Variants in TGM5 observed in about 807,000 individuals in gnomAD.
TGM5 encodes the protein transglutaminase 5.
Under a neutral mutation model 77.2 loss-of-function variants are expected in TGM5, and 69 were observed. The ratio of observed to expected loss-of-function variants is 0.89; its 90% CI spans 0.74 to 1.09. The LOEUF is 1.09. TGM5 is among the 50% of genes least tolerant of loss of function. TGM5 has a pLI of 0.00. For synonymous variants in TGM5, 346 were observed against 351.8 expected, an observed-to-expected ratio of 0.98 and a Z score of 0.18; for missense variants, 842 against 896.5, an observed-to-expected ratio of 0.94 and a Z score of 0.78.
chr15:43,233,401 C>T, intron 12 of TGM5, 57 bp from the exon 13 acceptor site: 1 of 1,611,250 alleles, frequency 6.2e-7, no homozygotes, highest in Non-Finnish European at 8.5e-7. Flanking sequence ...GACCCTGGAG[C>T]CCTTTTCCAC....
Position 43,260,287 on chromosome 15 carries a change from T to TGGCA in TGM5, c.197_200dup (p.Asp68AlafsTer88). 1 of 1,614,090 alleles carries TGGCA rather than the reference T, an allele frequency of 6.2e-7. No homozygotes were observed. Among genetic ancestry groups the TGGCA allele is most frequent in the Non-Finnish European group, 8.5e-7 (1 of 1,180,014 alleles). On this transcript the variant is annotated frameshift_variant, in exon 3 of 13. Transcript: ENST00000220420. LOFTEE classifies it high-confidence loss of function. The stretch of plus-strand genomic sequence containing the variant: ...CAGCCCGAGTCCCCAAGGCCAGGTC[T>TGGCA]GGCAGCGGTCCTAGGAGGGAAGTAG...
chr15:43,241,969 G>A (rs1436877869), intron 6 of TGM5, among the ~76,000 whole-genome samples: 1 of 152,134 alleles, frequency 6.6e-6, no homozygotes, highest in Non-Finnish European at 1.5e-5. Context: ...AGGAAAATCT[G>A]ACCATGAAAT....
rs965203285 is a variant in TGM5 at position 43,232,769 on chromosome 15, A to G, written c.*422T>C. On this transcript the variant is annotated 3_prime_UTR_variant, in exon 13 of 13. Coordinates refer to ENST00000220420, the MANE Select transcript of TGM5 (RefSeq NM_201631.4). ...CCTCTGTGCCAAATCACGCTTCTGGATAGGAGACTGGAATCCTGGAATCTC... is the reference window on the plus strand; with the variant it reads ...CCTCTGTGCCAAATCACGCTTCTGGGTAGGAGACTGGAATCCTGGAATCTC... The G allele has an allele frequency of 1.4e-5, 3 of 221,060 alleles. No individual in the cohort carries two copies. The highest frequency in any genetic ancestry group is 2.3e-5 in the African/African-American group (1 of 43,208). 13.7% of individuals were successfully genotyped at this position (221,060 alleles called of 1,614,324 possible). A position where few individuals can be genotyped will look rare whatever the true frequency, so the allele number is the denominator to read the frequency against.
rs774027553 is a variant in TGM5, at chr15:43,252,787, GC to G, written c.833del (p.Cys278SerfsTer11). The G allele has an allele frequency of 6.2e-7, 1 of 1,614,096 alleles. No homozygotes were observed. Among genetic ancestry groups the G allele is most frequent in the Non-Finnish European group, 8.5e-7 (1 of 1,180,038 alleles). ...TGCACATGACGGCAGCAAAGACCCA[GC>G]ATTGCCCGTAGCGCACGGGCTGGCA... ...TGCQPVRYGQ[C>X]WVFAAVMCTV... On this transcript the variant is annotated frameshift_variant, in exon 6 of 13. Transcript: ENST00000220420. LOFTEE classifies it high-confidence loss of function.
At chr15:43,234,389 A>C (rs2042571433) in intron 11 of TGM5, among the ~76,000 whole-genome samples, 1 of 152,218 alleles carries the variant, frequency 6.6e-6, no homozygotes, top group Non-Finnish European at 1.5e-5. Context: ...GCCCTGTCCA[A>C]GGATACACAG....
Position 43,260,462 on chromosome 15 carries a change from A to G in TGM5, c.128T>C (p.Leu43Pro). ...VRRGQAFNLT[L>P]YFRNRSFQPG... ...CTGGAAGCTCCGGTTCCTGAAGTAC[A>G]GGGTGAGGTTGAAGGCCTGGCCCCG... is the stretch of plus-strand genomic sequence containing the variant. Residue 43 changes from leucine to proline, a missense_variant, in exon 2 of 13, where the codon CTG becomes CCG. Leu to Pro is a moderately conservative substitution (Grantham distance 98, BLOSUM62 -3). This residue lies in a region of TGM5 where 815 missense variants were observed against 844.6 expected (regional missense o/e 0.96). Transcript: ENST00000220420. 6.2e-7 allele frequency: 1 copy of G among 1,614,184 alleles called. No homozygotes were observed. Among genetic ancestry groups the G allele is most frequent in the Non-Finnish European group, 8.5e-7 (1 of 1,180,036 alleles).
chr15:43,234,318 G>T (rs2042570756), intron 11 of TGM5, among the ~76,000 whole-genome samples: 1 of 152,094 alleles, frequency 6.6e-6, no homozygotes, highest in Non-Finnish European at 1.5e-5. Flanking sequence ...GAGCAGGCGG[G>T]GTCCTCAGAG....
At chr15:43,266,401 A>G (rs1002187458) in intron 1 of TGM5, among the ~76,000 whole-genome samples, 1 of 152,210 alleles carries the variant, frequency 6.6e-6, no homozygotes, top group African/African-American at 2.4e-5. Context: ...TGGAGGAAGA[A>G]GAGAAGATAT....
intron 9 of TGM5, among the ~76,000 whole-genome samples, chr15:43,236,832 G>C (rs567876661): frequency 6.6e-6 from 1 of 152,174 alleles, no homozygotes; most frequent in African/African-American, 2.4e-5. Flanking sequence ...AGCCAGGCAT[G>C]GTGGCAGGCA....
At chr15:43,238,613 G>A (rs924674045) in intron 9 of TGM5, among the ~76,000 whole-genome samples, 1 of 152,224 alleles carries the variant, frequency 6.6e-6, no homozygotes, top group East Asian at 1.9e-4. Context: ...GCCTTGTGGC[G>A]GGAGCTCGCT....
intron 10 of TGM5, 136 bp from the exon 11 acceptor site, chr15:43,235,065 T>C: frequency 8.8e-7 from 1 of 1,132,058 alleles, no homozygotes; most frequent in East Asian, 2.5e-5. Context: ...GGCAGCTTTT[T>C]AGATGAGGAA....
Position 43,233,583 on chromosome 15 carries a change from A to G in TGM5, c.1980T>C (p.Ser660=), listed in dbSNP as rs2042563489. The G allele has an allele frequency of 6.2e-7, 1 of 1,614,186 alleles. No homozygotes were observed. Among genetic ancestry groups the G allele is most frequent in the African/African-American group, 1.3e-5 (1 of 75,032 alleles). The part of the protein sequence containing the change: ...VEDCVLTVEG[S]GLFKKQQKVF... Reference sequence around the variant, plus strand: ...CTTTCTGCTGTTTCTTGAAGAGGCCACTTCCTTCCACAGTCAGCACACAGT... The same window carrying G: ...CTTTCTGCTGTTTCTTGAAGAGGCCGCTTCCTTCCACAGTCAGCACACAGT... Residue 660 remains serine (S), a synonymous_variant, in exon 12 of 13, where the codon AGT becomes AGC. Transcript: ENST00000220420.
At position 43,260,573 on chromosome 15, in the gene TGM5, T is replaced by A; in HGVS notation, c.17A>T (p.Glu6Val). 6.2e-7 allele frequency: 1 copy of A among 1,614,096 alleles called. No homozygotes were observed. Among genetic ancestry groups the A allele is most frequent in the Non-Finnish European group, 8.5e-7 (1 of 1,179,972 alleles). Residue 6 changes from glutamate (E) to valine (V), a missense_variant, in exon 2 of 13, where the codon GAA (glutamate) becomes GTA (valine). Coordinates refer to ENST00000220420, the MANE Select transcript of TGM5 (RefSeq NM_201631.4). The part of the protein sequence containing the change: MAQGL[E>V]VALTDLQSSR... Reference sequence around the variant, plus strand: ...GCTCTGGAGGTCTGTGAGGGCCACTTCTAGCCCTGCAATGGGGCAGCCAGG... The same window carrying A: ...GCTCTGGAGGTCTGTGAGGGCCACTACTAGCCCTGCAATGGGGCAGCCAGG...
chr15:43,256,498 C>G (rs1463249988), intron 4 of TGM5, 70 bp downstream of exon 4: 4 of 1,189,934 alleles, frequency 3.4e-6, no homozygotes, highest in Non-Finnish European at 5.0e-6. Context: ...AGGTGAAGCT[C>G]ACATGTGCCC....
intron 11 of TGM5, 49 bp downstream of exon 11, chr15:43,234,720 C>T: frequency 6.2e-7 from 1 of 1,612,682 alleles, no homozygotes; most frequent in Non-Finnish European, 8.5e-7. Flanking sequence ...CACCCCCTCC[C>T]CGCCAGATCC....
chr15:43,238,755 C>T (rs1246885727), intron 9 of TGM5, 62 bp downstream of exon 9: 11 of 1,598,946 alleles, frequency 6.9e-6, no homozygotes, highest in South Asian at 5.6e-5. Flanking sequence ...CTCTGGCTCC[C>T]TGGGGTAGGG....
chr15:43,265,806 A>G (rs66651343), intron 1 of TGM5, among the ~76,000 whole-genome samples: 28,466 of 152,218 alleles, frequency 0.19, 2,955 homozygotes, highest in Middle Eastern at 0.29. Flanking sequence ...ATGCCCATCA[A>G]TAGGGGACAG....
Position 43,238,903 on chromosome 15 carries a change from GT to G in TGM5, c.1258del (p.Thr420ArgfsTer39), listed in dbSNP as rs1372531156. 1 of 1,614,094 alleles carries G rather than the reference GT, an allele frequency of 6.2e-7. No individual in the cohort carries two copies. Among genetic ancestry groups the G allele is most frequent in the East Asian group, 2.2e-5 (1 of 44,898 alleles). Reference sequence around the variant, plus strand: ...GCTGATAAAATTGCCAACAGAACTCGTGTCCTGGTGAAGCTTCTGCTCCTTC... The same window carrying G: ...GCTGATAAAATTGCCAACAGAACTCGGTCCTGGTGAAGCTTCTGCTCCTTC... ...GGKEQKLHQD[T>X]SSVGNFISTK... On this transcript the variant is annotated frameshift_variant, in exon 9 of 13. Transcript: ENST00000220420. LOFTEE classifies it high-confidence loss of function.
chr15:43,262,987 C>A (rs1484282764), intron 1 of TGM5, among the ~76,000 whole-genome samples: 1 of 152,076 alleles, frequency 6.6e-6, no homozygotes, highest in Non-Finnish European at 1.5e-5. Flanking sequence ...TCCCAAGGAA[C>A]CCGCCAAAAA....
Sources: gnomAD v4.1 joint callset for allele counts (sites outside exome capture counted in the v4.1 genomes callset) on GRCh38, gnomAD v4.1.1 for gene constraint, gnomAD v4.1.1 regional missense constraint, MANE v1.5 for transcripts, NCBI Gene and HGNC (gene_info 2026-07-23, HGNC 2026-07-21) for gene names.